CDK19: variants seen among roughly 807,000 people sequenced by gnomAD.
CDK19 encodes the protein cyclin-dependent kinase 19.
A neutral mutation model predicts 68.3 loss-of-function variants in CDK19; 20 were observed. The observed-to-expected ratio is 0.29, with a 90% confidence interval of 0.21 to 0.43. The LOEUF (loss-of-function observed/expected upper bound fraction) is 0.43. Ranked by LOEUF, CDK19 falls within the 20% of genes least tolerant of loss-of-function variation. The pLI is 1.00. For missense variants in CDK19, 339 were observed against 623.5 expected (o/e 0.54, Z 4.86); for synonymous variants, 221 against 222.8 (o/e 0.99, Z 0.07).
chr6:110,726,720 C>A (rs1776341053), intron 2 of CDK19, among the ~76,000 whole-genome samples: 2 of 152,222 alleles, frequency 1.3e-5, no homozygotes, highest in South Asian at 4.1e-4. Flanking sequence ...TGAACCTGGC[C>A]TACAGAGAGC....
In CDK19 at chr6:110,785,789, T is replaced by C. The variant is rs1008405927; in HGVS notation, c.128+29220A>G. Among the ~76,000 whole-genome samples, 9 of 152,288 alleles carry C rather than the reference T, an allele frequency of 5.9e-5. No individual in the cohort carries two copies. The South Asian group carries it at 6.2e-4, about 11-fold the overall frequency. On this transcript the variant is annotated intron_variant, in intron 1 of 12. Coordinates refer to ENST00000368911, the MANE Select transcript of CDK19 (RefSeq NM_015076.5). ...TGAGTTTGGGAGTTGGCGACCAGCC[T>C]GACCAACATAGAGAAAACTCGTCTC...
At chr6:110,617,662 T>TAC (rs561387463) in intron 12 of CDK19, among the ~76,000 whole-genome samples, 11,575 of 106,802 alleles carry the variant, frequency 0.11, 723 homozygotes, top group African/African-American at 0.13. Context: ...TATATATATA[T>TAC]ACACACACAC....
intron 3 of CDK19, among the ~76,000 whole-genome samples, chr6:110,668,420 G>A (rs1236876401): frequency 6.6e-6 from 1 of 152,144 alleles, no homozygotes; most frequent in Non-Finnish European, 1.5e-5. Context: ...AAACTGTTCA[G>A]TAATAACATT....
intron 4 of CDK19, chr6:110,646,463 GC>G: frequency 6.7e-7 from 1 of 1,489,832 alleles, no homozygotes; most frequent in Admixed American, 2.2e-5. Flanking sequence ...CATCCCTGAG[GC>G]CCAGAAGGCG....
chr6:110,809,914 G>A (rs778604783), intron 1 of CDK19, among the ~76,000 whole-genome samples: 1 of 152,164 alleles, frequency 6.6e-6, no homozygotes, highest in Non-Finnish European at 1.5e-5. Flanking sequence ...ACACAGCTGA[G>A]GAGTACACCG....
chr6:110,689,938 A>G (rs1772831996), intron 2 of CDK19, among the ~76,000 whole-genome samples: 1 of 152,222 alleles, frequency 6.6e-6, no homozygotes. Flanking sequence ...CCCGTGGGAC[A>G]AAATCATTGC....
At chr6:110,661,992 C>CT (rs1781647105) in intron 4 of CDK19, among the ~76,000 whole-genome samples, 1 of 151,950 alleles carries the variant, frequency 6.6e-6, no homozygotes, top group African/African-American at 2.4e-5. Context: ...GGGGGGGAGA[C>CT]TGAGTCTCGC....
At chr6:110,690,889 A>T (rs1772926821) in intron 2 of CDK19, among the ~76,000 whole-genome samples, 1 of 152,236 alleles carries the variant, frequency 6.6e-6, no homozygotes, top group African/African-American at 2.4e-5. Context: ...AATAAAAAAT[A>T]AATTCAAGAA....
chr6:110,739,579 C>T (rs1034937925), intron 2 of CDK19, among the ~76,000 whole-genome samples: 3 of 151,840 alleles, frequency 2.0e-5, no homozygotes, highest in Admixed American at 1.3e-4. Flanking sequence ...GGAAATATCT[C>T]GATGTTGTTA....
At chr6:110,647,695 G>A (rs1257162460) in intron 4 of CDK19, among the ~76,000 whole-genome samples, 1 of 152,190 alleles carries the variant, frequency 6.6e-6, no homozygotes, top group Non-Finnish European at 1.5e-5. Flanking sequence ...GATGATCTTA[G>A]AGGGGAGTTC....
At chr6:110,667,622 T>G in intron 3 of CDK19, 48 bp from the exon 4 acceptor site, 1 of 1,058,160 alleles carries the variant, frequency 9.5e-7, no homozygotes, top group Non-Finnish European at 1.3e-6. Flanking sequence ...CTAATATCTA[T>G]GCCAATAAAA....
intron 1 of CDK19, among the ~76,000 whole-genome samples, chr6:110,757,136 G>A (rs1778891737): frequency 6.6e-6 from 1 of 152,144 alleles, no homozygotes; most frequent in Admixed American, 6.5e-5. Context: ...CGGGCAGAGA[G>A]AAAAGGACCC....
intron 2 of CDK19, among the ~76,000 whole-genome samples, chr6:110,731,389 G>A (rs1445707307): frequency 1.3e-5 from 2 of 152,176 alleles, no homozygotes; most frequent in Non-Finnish European, 2.9e-5. Context: ...CAAATCCATA[G>A]AGGCAGAAAG....
Position 110,755,551 on chromosome 6 carries a change from A to G in CDK19, c.129-9350T>C, listed in dbSNP as rs184313820. 1.1e-4 allele frequency among the ~76,000 whole-genome samples: 17 copies of G among 152,316 alleles called. No homozygotes were observed. The East Asian group carries it at 3.3e-3, about 29-fold the overall frequency. The stretch of plus-strand genomic sequence containing the variant: ...AGATAAGCAGGATTTCACTGAGCAA[A>G]GGAGGAAAGGACAGGGCCTTATAGA... On this transcript the variant is annotated intron_variant, in intron 1 of 12. Transcript: ENST00000368911.
At chr6:110,664,051 TAAAC>T (rs1407101804) in intron 4 of CDK19, among the ~76,000 whole-genome samples, 1 of 152,252 alleles carries the variant, frequency 6.6e-6, no homozygotes, top group Middle Eastern at 3.4e-3. Flanking sequence ...TGTCAGTACT[TAAAC>T]AAACAAAAAG....
At chr6:110,755,865 T>C (rs1192079455) in intron 1 of CDK19, among the ~76,000 whole-genome samples, 2 of 151,960 alleles carry the variant, frequency 1.3e-5, no homozygotes, top group Non-Finnish European at 2.9e-5. Context: ...GGCAGGGGGA[T>C]CAATGTAGAA....
chr6:110,709,566 A>G (rs951914593), intron 2 of CDK19, among the ~76,000 whole-genome samples: 2 of 152,132 alleles, frequency 1.3e-5, no homozygotes, highest in East Asian at 3.8e-4. Context: ...TAAGCAAGAA[A>G]TAGCAAACTG....
intron 2 of CDK19, among the ~76,000 whole-genome samples, chr6:110,716,940 T>C (rs1775451553): frequency 1.3e-5 from 2 of 152,262 alleles, no homozygotes; most frequent in African/African-American, 4.8e-5. Context: ...GAGACCACCC[T>C]GGCCAACACA....
At chr6:110,734,537 C>A (rs1562244074) in intron 2 of CDK19, among the ~76,000 whole-genome samples, 1 of 148,420 alleles carries the variant, frequency 6.7e-6, no homozygotes, top group African/African-American at 2.5e-5. Context: ...CTCTCTCTCT[C>A]TCTCTCTCTC....
Sources: allele counts gnomAD v4.1 joint callset (sites outside exome capture counted in the v4.1 genomes callset), GRCh38; gene constraint gnomAD v4.1.1; transcripts MANE v1.5; gene names NCBI Gene and HGNC (gene_info 2026-07-23, HGNC 2026-07-21).